Variants in RBFOX1 observed in about 807,000 individuals in gnomAD.
The protein encoded by RBFOX1 is RNA binding fox-1 homolog 1.
A neutral mutation model predicts 57.7 loss-of-function variants in RBFOX1; 8 were observed. The ratio of observed to expected loss-of-function variants is 0.14; its 90% confidence interval spans 0.08 to 0.25. The LOEUF (loss-of-function observed/expected upper bound fraction) is 0.25, where lower values mean the gene tolerates loss of function less well. Ranked by LOEUF, RBFOX1 falls within the 10% of genes least tolerant of loss-of-function variation. The pLI is 1.00. For synonymous variants in RBFOX1, 326 were observed against 222.4 expected, an observed-to-expected ratio of 1.47 and a Z score of -4.15; for missense variants, 611 against 548.5, an observed-to-expected ratio of 1.11 and a Z score of -1.14.
chr16:6,743,469 T>C (rs953202761), intron 3 of RBFOX1, among the ~76,000 whole-genome samples: 3 of 152,132 alleles, frequency 2.0e-5, no homozygotes, highest in East Asian at 1.9e-4. Flanking sequence ...TAAGGATGAA[T>C]GGTAGTGCAC....
intron 4 of RBFOX1, among the ~76,000 whole-genome samples, chr16:5,883,690 T>C (rs1472379578): frequency 6.6e-6 from 1 of 152,172 alleles, no homozygotes; most frequent in Admixed American, 6.5e-5. Flanking sequence ...TTCTTTCTTG[T>C]TCTGAGTAGA....
chr16:6,857,818 G>C (rs533067465), intron 3 of RBFOX1, among the ~76,000 whole-genome samples: 52 of 152,238 alleles, frequency 3.4e-4, no homozygotes, highest in African/African-American at 1.2e-3. Context: ...TGCCTGTTTT[G>C]GTAATTAATT....
intron 5 of RBFOX1, among the ~76,000 whole-genome samples, chr16:7,536,318 G>A (rs2081454265): frequency 6.6e-6 from 1 of 152,202 alleles, no homozygotes; most frequent in African/African-American, 2.4e-5. Flanking sequence ...TAGAGGCTGG[G>A]CGCGGTGGCT....
intron 3 of RBFOX1, among the ~76,000 whole-genome samples, chr16:7,012,552 G>A (rs11643737): frequency 0.12 from 17,567 of 152,160 alleles, 1,815 homozygotes; most frequent in East Asian, 0.3. Context: ...CTTATTTCTG[G>A]TTTCCTTTCT....
At chr16:5,817,884 GA>G (rs2055700378) in intron 3 of RBFOX1, among the ~76,000 whole-genome samples, 1 of 151,940 alleles carries the variant, frequency 6.6e-6, no homozygotes, top group African/African-American at 2.4e-5. Context: ...TAGAGTTGGG[GA>G]TTCACCGTGT....
chr16:6,171,276 T>C (rs560980931), intron 1 of RBFOX1, among the ~76,000 whole-genome samples: 2 of 152,334 alleles, frequency 1.3e-5, no homozygotes, highest in African/African-American at 4.8e-5. Context: ...TATCAATCTA[T>C]AACACCAATT....
intron 2 of RBFOX1, among the ~76,000 whole-genome samples, chr16:6,580,239 G>A (rs1181589478): frequency 6.6e-6 from 1 of 152,158 alleles, no homozygotes; most frequent in Non-Finnish European, 1.5e-5. Context: ...TTACAGGCAT[G>A]AGCCACCATG....
intron 4 of RBFOX1, among the ~76,000 whole-genome samples, chr16:7,244,247 CAAA>C (rs60054791): frequency 0.028 from 2,786 of 99,140 alleles, 64 homozygotes; most frequent in African/African-American, 0.068. Flanking sequence ...CAAAGTATTC[CAAA>C]AAAAAAAAAA....
intron 2 of RBFOX1, among the ~76,000 whole-genome samples, chr16:6,559,931 T>G (rs975120554): frequency 2.0e-5 from 3 of 152,144 alleles, no homozygotes; most frequent in Non-Finnish European, 4.4e-5. Context: ...GAACTCATAT[T>G]GCAGGAAGAA....
chr16:5,756,661 T>G (rs2053408050), intron 3 of RBFOX1, among the ~76,000 whole-genome samples: 1 of 152,184 alleles, frequency 6.6e-6, no homozygotes, highest in African/African-American at 2.4e-5. Flanking sequence ...ATCGAATGAC[T>G]AATTGATAAC....
chr16:6,719,073 C>A (rs570467132), intron 3 of RBFOX1, among the ~76,000 whole-genome samples: 1 of 152,024 alleles, frequency 6.6e-6, no homozygotes, highest in African/African-American at 2.4e-5. Flanking sequence ...TGCCATGTTG[C>A]CCAGGCTGGT....
intron 4 of RBFOX1, among the ~76,000 whole-genome samples, chr16:7,479,658 C>T (rs533567388): frequency 2.6e-5 from 4 of 152,276 alleles, no homozygotes; most frequent in African/African-American, 9.6e-5. Context: ...TTTTGTTCCA[C>T]TTCAAGTCTA....
intron 4 of RBFOX1, among the ~76,000 whole-genome samples, chr16:5,958,905 T>C (rs1384090623): frequency 1.3e-5 from 2 of 152,206 alleles, no homozygotes; most frequent in Non-Finnish European, 2.9e-5. Flanking sequence ...AGGCACACCC[T>C]GATAGTCCAG....
intron 1 of RBFOX1, among the ~76,000 whole-genome samples, chr16:6,078,105 C>T (rs1012247467): frequency 1.6e-4 from 24 of 152,174 alleles, no homozygotes; most frequent in African/African-American, 3.4e-4. Flanking sequence ...CTCATCTTTC[C>T]GGGGAGGTTA....
At chr16:5,944,789 C>CAAAAAAAAAAAAAAAAAAA (rs2059360169) in intron 4 of RBFOX1, among the ~76,000 whole-genome samples, 2 of 24,906 alleles carry the variant, frequency 8.0e-5, no homozygotes, top group Admixed American at 3.4e-4. Context: ...CCTGTCTCTG[C>CAAAAAAAAAAAAAAAAAAA]TAAAAAAAAA....
intron 4 of RBFOX1, among the ~76,000 whole-genome samples, chr16:7,181,521 C>G (rs560922575): frequency 6.6e-6 from 1 of 151,350 alleles, no homozygotes; most frequent in Admixed American, 6.6e-5. Context: ...CTCCCTCCCT[C>G]TTCCCTCCCT....
intron 3 of RBFOX1, among the ~76,000 whole-genome samples, chr16:6,947,578 T>C (rs1161290004): frequency 6.6e-6 from 1 of 152,198 alleles, no homozygotes; most frequent in Non-Finnish European, 1.5e-5. Flanking sequence ...TGCCCTTCCT[T>C]GCAGCTTGCT....
chr16:5,815,292 C>G (rs1056257218), intron 3 of RBFOX1, among the ~76,000 whole-genome samples: 1 of 151,210 alleles, frequency 6.6e-6, no homozygotes, highest in African/African-American at 2.4e-5. Context: ...TCGTGCCTGG[C>G]CTGATTTCCT....
intron 3 of RBFOX1, among the ~76,000 whole-genome samples, chr16:6,898,491 A>G (rs1490164106): frequency 1.3e-5 from 2 of 152,230 alleles, no homozygotes; most frequent in Admixed American, 1.3e-4. Flanking sequence ...AGTCCATAGT[A>G]AAGATTTATT....
Sources: allele counts gnomAD v4.1 joint callset (sites outside exome capture counted in the v4.1 genomes callset), GRCh38; gene constraint gnomAD v4.1.1; transcripts MANE v1.5; gene names NCBI Gene and HGNC (gene_info 2026-07-23, HGNC 2026-07-21).